Variants in SHISA9 observed in about 807,000 individuals in gnomAD.
SHISA9 encodes protein shisa-9.
Under a neutral mutation model 38.0 loss-of-function variants are expected in SHISA9, and 13 were observed. The ratio of observed to expected loss-of-function variants is 0.34; its 90% CI spans 0.22 to 0.54. The LOEUF (loss-of-function observed/expected upper bound fraction) is 0.54. SHISA9 is among the 20% of genes least tolerant of loss of function. SHISA9 has a pLI of 0.91. For missense variants in SHISA9, 538 were observed against 575.8 expected (o/e 0.93, Z 0.67); for synonymous variants, 275 against 242.0 (o/e 1.14, Z -1.27).
intron 2 of SHISA9, among the ~76,000 whole-genome samples, chr16:13,164,177 A>G (rs1215426304): frequency 2.0e-5 from 3 of 151,992 alleles, no homozygotes; most frequent in Non-Finnish European, 2.9e-5. Context: ...TAGTTTGCTG[A>G]AAGTTTTTTT....
chr16:13,362,781 A>G, the SHISA9 span, among the ~76,000 whole-genome samples: 20 of 151,960 alleles, frequency 1.3e-4, no homozygotes, highest in Non-Finnish European at 2.4e-4. Context: ...CCTGGAGCAA[A>G]GTCCCGTTCT....
intron 2 of SHISA9, among the ~76,000 whole-genome samples, chr16:12,987,512 C>T (rs2072327862): frequency 6.6e-6 from 1 of 152,168 alleles, no homozygotes; most frequent in Non-Finnish European, 1.5e-5. Flanking sequence ...CCGAATACCA[C>T]ATGTTCTCAT....
chr16:13,359,781 A>C, the SHISA9 span, among the ~76,000 whole-genome samples: 1 of 152,132 alleles, frequency 6.6e-6, no homozygotes, highest in East Asian at 1.9e-4. Flanking sequence ...AAGCAGGTTC[A>C]CTGTGCACGG....
At chr16:13,203,965 A>G (rs986674156) in intron 3 of SHISA9, among the ~76,000 whole-genome samples, 8 of 150,376 alleles carry the variant, frequency 5.3e-5, no homozygotes, top group African/African-American at 2.0e-4. Context: ...TCTGTCTATC[A>G]TCTATCAATC....
the SHISA9 span, among the ~76,000 whole-genome samples, chr16:13,366,672 G>A: frequency 1.3e-5 from 2 of 151,346 alleles, no homozygotes; most frequent in Non-Finnish European, 2.9e-5. Flanking sequence ...GTGAGACCCT[G>A]TCTCTACAAA....
the SHISA9 span, among the ~76,000 whole-genome samples, chr16:13,507,084 T>A: frequency 6.6e-6 from 1 of 152,070 alleles, no homozygotes; most frequent in African/African-American, 2.4e-5. Context: ...TATATATATA[T>A]AAAATCTGGT....
chr16:13,316,283 C>T, the SHISA9 span, among the ~76,000 whole-genome samples: 2 of 152,114 alleles, frequency 1.3e-5, no homozygotes, highest in Admixed American at 1.3e-4. Flanking sequence ...CCACAGAGAA[C>T]GTGTCCAGAG....
the SHISA9 span, among the ~76,000 whole-genome samples, chr16:13,307,272 T>C: frequency 1.3e-5 from 2 of 152,236 alleles, no homozygotes; most frequent in South Asian, 2.1e-4. Context: ...GCAATCATTA[T>C]TTAAATGTCA....
At chr16:13,286,433 CTTT>C in the SHISA9 span, among the ~76,000 whole-genome samples, 2 of 152,160 alleles carry the variant, frequency 1.3e-5, no homozygotes, top group African/African-American at 4.8e-5. Context: ...CAAAGATTTT[CTTT>C]GTCATTAAAT....
chr16:13,273,468 G>A, the SHISA9 span, among the ~76,000 whole-genome samples: 1 of 152,130 alleles, frequency 6.6e-6, no homozygotes, highest in African/African-American at 2.4e-5. Flanking sequence ...TTTAGAAGAG[G>A]GAATATCCCA....
rs140992756 is a variant in SHISA9 at position 13,034,527 on chromosome 16, G to A, written c.691+117712G>A. ...AGGAAGAAAGTTAAGTTTATTTTTGGGGGGCCACTTGGAGATTGCTTTGTA... is the reference window on the plus strand; with the variant it reads ...AGGAAGAAAGTTAAGTTTATTTTTGAGGGGCCACTTGGAGATTGCTTTGTA... On this transcript the variant is annotated intron_variant, in intron 2 of 4. Transcript: ENST00000558583. Among the ~76,000 whole-genome samples the A allele has an allele frequency of 7.4e-3, 1,124 of 152,200 alleles. 6 individuals are homozygous for A. Among genetic ancestry groups the A allele is most frequent in the Middle Eastern group, 0.014 (4 of 294 alleles).
intron 2 of SHISA9, among the ~76,000 whole-genome samples, chr16:13,131,180 A>G (rs2050303317): frequency 6.6e-6 from 1 of 152,218 alleles, no homozygotes; most frequent in African/African-American, 2.4e-5. Context: ...TCATTGCTGC[A>G]CTATTCACAA....
At chr16:13,153,884 C>A (rs146159740) in intron 2 of SHISA9, among the ~76,000 whole-genome samples, 1 of 145,994 alleles carries the variant, frequency 6.8e-6, no homozygotes, top group East Asian at 2.0e-4. Context: ...ATTTGTGAAG[C>A]AGATGGTTCA....
At chr16:13,215,196 T>G (rs1343074869) in intron 4 of SHISA9, among the ~76,000 whole-genome samples, 1 of 152,158 alleles carries the variant, frequency 6.6e-6, no homozygotes, top group Non-Finnish European at 1.5e-5. Context: ...GTAACCAGCT[T>G]GAGCACACAT....
the SHISA9 span, among the ~76,000 whole-genome samples, chr16:13,298,513 GTTC>G: frequency 1.3e-5 from 2 of 152,118 alleles, no homozygotes; most frequent in African/African-American, 4.8e-5. Flanking sequence ...AATATATCTT[GTTC>G]TTATTGTGTA....
chr16:13,442,671 G>A, the SHISA9 span, among the ~76,000 whole-genome samples: 20 of 152,188 alleles, frequency 1.3e-4, no homozygotes, highest in Admixed American at 1.2e-3. Flanking sequence ...TTACTGTTGG[G>A]GACTAGGTAA....
chr16:13,156,733 CAAAAAAAAA>C (rs11289895), intron 2 of SHISA9, among the ~76,000 whole-genome samples: 1 of 111,448 alleles, frequency 9.0e-6, no homozygotes, highest in Non-Finnish European at 1.8e-5. Context: ...GACTCCGTCT[CAAAAAAAAA>C]AAAAAAAAAA....
At chr16:12,963,989 T>C (rs1408195663) in intron 2 of SHISA9, among the ~76,000 whole-genome samples, 1 of 152,240 alleles carries the variant, frequency 6.6e-6, no homozygotes, top group Admixed American at 6.5e-5. Context: ...ATTAAGTAAA[T>C]GAAAACCTTC....
intron 1 of SHISA9, chr16:12,908,670 G>A (rs867747581): frequency 2.6e-6 from 4 of 1,535,328 alleles, no homozygotes; most frequent in Non-Finnish European, 2.6e-6. Flanking sequence ...AGAAGTACGC[G>A]ATGCCCTGCA....
Sources: allele counts gnomAD v4.1 joint callset (sites outside exome capture counted in the v4.1 genomes callset), GRCh38; gene constraint gnomAD v4.1.1; transcripts MANE v1.5; gene names NCBI Gene and HGNC (gene_info 2026-07-23, HGNC 2026-07-21).